The following ANKRD36B variants were observed in gnomAD, a reference collection of about 807,000 sequenced individuals.
The protein encoded by ANKRD36B is ankyrin repeat domain-containing protein 36B.
In ANKRD36B, 37 loss-of-function variants were observed where a neutral mutation model predicts 135.7. The observed-to-expected ratio is 0.27, with a 90% confidence interval of 0.21 to 0.36. ANKRD36B has a LOEUF of 0.36. ANKRD36B is among the 10% of genes least tolerant of loss of function. The pLI is 1.00. For missense variants in ANKRD36B, 549 were observed against 1,037.1 expected (o/e 0.53, Z 6.46); for synonymous variants, 179 against 348.1 (o/e 0.51, Z 5.41).
intron 22 of ANKRD36B, chr2:97,547,190 A>AGT (rs1431966688): frequency 3.9e-6 from 1 of 254,926 alleles, no homozygotes; most frequent in East Asian, 1.1e-4. Flanking sequence ...TATGATCTGA[A>AGT]GTGTGTAAAT....
rs535595088 is a variant in ANKRD36B, at chr2:97,546,442, C to T, written c.1580-581G>A. ...TAGATAACATTCATTATCTCTCACA[C>T]GCACGTGGTGCAATAATTTGCCTAA... On this transcript the variant is annotated intron_variant, in intron 22 of 43. Coordinates refer to ENST00000359901, the MANE Select transcript of ANKRD36B (RefSeq NM_001393939.1). 1.6e-4 allele frequency among the ~76,000 whole-genome samples: 25 copies of T among 151,774 alleles called. 1 individual carries two copies. The highest frequency in any genetic ancestry group is 1.4e-3 in the Admixed American group (22 of 15,202).
intron 6 of ANKRD36B, among the ~76,000 whole-genome samples, chr2:97,569,958 T>C (rs2081729335): frequency 6.6e-6 from 1 of 151,978 alleles, no homozygotes; most frequent in Admixed American, 6.6e-5. Context: ...TAAACAGAAA[T>C]TTAACAAAAT....
chr2:97,516,173 TAAACTCAGATAGGTCCTGTAAAAAAAA>T (rs1279365154), intron 36 of ANKRD36B, among the ~76,000 whole-genome samples: 17 of 29,958 alleles, frequency 5.7e-4, no homozygotes, highest in Non-Finnish European at 1.3e-3. Context: ...GTGACAGTTA[TAAACTCAGATAGGTCCTGTAAAAAAAA>T]AAAAAAAAAA....
chr2:97,589,679 G>A lies in ANKRD36B; in HGVS notation c.7C>T (p.Arg3Cys). 4 of 1,614,138 alleles carry A rather than the reference G, an allele frequency of 2.5e-6. No individual in the cohort carries two copies. The highest frequency in any genetic ancestry group is 3.4e-6 in the Non-Finnish European group (4 of 1,180,018). The change falls in exon 1 of 44, where the codon CGC becomes TGC. Residue 3 changes from arginine to cysteine, a missense_variant. Coordinates refer to ENST00000359901, the MANE Select transcript of ANKRD36B (RefSeq NM_001393939.1). ...AATGCGAAGCCATCCGAGCACAAGC[G>A]CTCCATGAGGGTGGGCCACCTCTCC... ME[R>C]LCSDGFAFPH...
chr2:97,587,893 G>C (rs1221655111), intron 1 of ANKRD36B, among the ~76,000 whole-genome samples: 1 of 151,952 alleles, frequency 6.6e-6, no homozygotes, highest in African/African-American at 2.4e-5. Flanking sequence ...TGCATAGGTT[G>C]CTTGAATATC....
At position 97,589,870 on chromosome 2, in the gene ANKRD36B, A is replaced by C. The variant is rs2083298957; in HGVS notation, c.-185T>G. The C allele has an allele frequency of 2.5e-6, 2 of 815,712 alleles. No homozygotes were observed. The highest frequency in any genetic ancestry group is 1.7e-5 in the African/African-American group (1 of 58,150). The allele number at this position is 815,712 out of a possible 1,614,324, so 50.5% of individuals were successfully genotyped here. ...CTCCCGCCTCTCCGCAGAAACGCCC[A>C]ACAGAAGGGTTAGAACCAGCGAGCA... On this transcript the variant is annotated 5_prime_UTR_variant, in exon 1 of 44. Transcript: ENST00000359901.
At chr2:97,548,293 A>T (rs2079689127) in intron 20 of ANKRD36B, among the ~76,000 whole-genome samples, 1 of 151,860 alleles carries the variant, frequency 6.6e-6, no homozygotes, top group South Asian at 2.1e-4. Context: ...CAAGTAGATA[A>T]TATTCATTAT....
intron 20 of ANKRD36B, among the ~76,000 whole-genome samples, chr2:97,549,036 G>A (rs1392542130): frequency 1.3e-5 from 2 of 151,866 alleles, no homozygotes; most frequent in Non-Finnish European, 2.9e-5. Context: ...CAAGTTTGCT[G>A]TCTGTTTTTA....
chr2:97,513,312 G>A lies in ANKRD36B; in HGVS notation c.2673C>T (p.His891=). 1 of 1,570,344 alleles carries A rather than the reference G, an allele frequency of 6.4e-7. No individual in the cohort carries two copies. Among genetic ancestry groups the A allele is most frequent in the Non-Finnish European group, 8.6e-7 (1 of 1,167,504 alleles). Residue 891 remains histidine (H), a synonymous_variant, in exon 38 of 44, where the codon CAC becomes CAT. Transcript: ENST00000359901. ...TTCTTAACTTTTCCCTAACTTTTTG[G>A]TGCAACTCTTCAACATTTCTTCTTT... The part of the protein sequence containing the change: ...KKKRRNVEEL[H]QKVREKLRIT...
intron 12 of ANKRD36B, among the ~76,000 whole-genome samples, 173 bp from the exon 13 acceptor site, chr2:97,555,427 A>T (rs1266240243): frequency 6.6e-6 from 1 of 151,936 alleles, no homozygotes; most frequent in East Asian, 1.9e-4. Context: ...AAAGAAATAC[A>T]GGTTTCACAA....
chr2:97,558,911 A>G, intron 9 of ANKRD36B, 40 bp from the exon 10 acceptor site: 8 of 1,608,582 alleles, frequency 5.0e-6, no homozygotes, highest in Non-Finnish European at 6.8e-6. Flanking sequence ...TATGTAAAGT[A>G]GGTTTCATAG....
chr2:97,547,908 T>C (rs2079636121), intron 20 of ANKRD36B, among the ~76,000 whole-genome samples, 177 bp from the exon 21 acceptor site: 1 of 151,778 alleles, frequency 6.6e-6, no homozygotes, highest in East Asian at 1.9e-4. Context: ...GAAAAGGGAA[T>C]ACAGGCTCCA....
chr2:97,562,986 T>C (rs965515005), intron 6 of ANKRD36B, among the ~76,000 whole-genome samples: 1 of 152,010 alleles, frequency 6.6e-6, no homozygotes, highest in African/African-American at 2.4e-5. Flanking sequence ...GCAGCCTATC[T>C]TACCTGTTTT....
intron 20 of ANKRD36B, 27 bp from the exon 21 acceptor site, chr2:97,547,758 A>T: frequency 6.5e-7 from 1 of 1,547,950 alleles, no homozygotes; most frequent in Non-Finnish European, 8.7e-7. Flanking sequence ...ATTCATAATC[A>T]CTCATATGTA....
At chr2:97,519,971 AT>A (rs1487706735) in intron 36 of ANKRD36B, among the ~76,000 whole-genome samples, 7 of 92,642 alleles carry the variant, frequency 7.6e-5, no homozygotes, top group South Asian at 4.9e-4. Context: ...ATACAAAAAA[AT>A]ATCTGAACCC....
chr2:97,547,966 CA>C (rs933076390), intron 20 of ANKRD36B, among the ~76,000 whole-genome samples: 10 of 151,690 alleles, frequency 6.6e-5, no homozygotes, highest in African/African-American at 2.4e-4. Context: ...TGTTATATGC[CA>C]AAAACTAAAA....
intron 6 of ANKRD36B, among the ~76,000 whole-genome samples, chr2:97,565,170 C>T (rs2081337521): frequency 6.6e-6 from 1 of 151,914 alleles, no homozygotes; most frequent in Non-Finnish European, 1.5e-5. Context: ...CACTCTATTA[C>T]TGGTGTATAG....
chr2:97,498,200 C>G (rs2077323727), intron 43 of ANKRD36B, among the ~76,000 whole-genome samples: 1 of 84,760 alleles, frequency 1.2e-5, no homozygotes, highest in South Asian at 2.3e-4. Flanking sequence ...ATCAAACAAC[C>G]CAACTTTCAT....
intron 14 of ANKRD36B, among the ~76,000 whole-genome samples, chr2:97,554,114 G>A (rs13427441): frequency 0.54 from 78,563 of 146,118 alleles, 21,737 homozygotes; most frequent in Non-Finnish European, 0.65. Context: ...AAATAAAACT[G>A]CTAAAAGCAT....
Sources: gnomAD v4.1 joint callset for allele counts (sites outside exome capture counted in the v4.1 genomes callset) on GRCh38, gnomAD v4.1.1 for gene constraint, MANE v1.5 for transcripts, NCBI Gene and HGNC (gene_info 2026-07-23, HGNC 2026-07-21) for gene names.